Variants in FRK observed in about 807,000 individuals in gnomAD.
FRK encodes the protein tyrosine-protein kinase FRK.
Under a neutral mutation model 56.4 loss-of-function variants are expected in FRK, and 51 were observed. That is an observed-to-expected ratio of 0.90 (90% CI 0.72 to 1.14). FRK has a LOEUF of 1.14. Among genes scored for constraint, FRK ranks in the 50% most tolerant of loss-of-function variants. The probability of loss-of-function intolerance (pLI) is 0.00; values close to 1 mark genes in which losing one functional copy is unlikely to be tolerated. For missense variants in FRK, 570 were observed against 601.4 expected, an observed-to-expected ratio of 0.95 and a Z score of 0.55; for synonymous variants, 245 against 217.9, an observed-to-expected ratio of 1.12 and a Z score of -1.10.
intron 5 of FRK, among the ~76,000 whole-genome samples, chr6:115,952,229 T>C (rs1772790153): frequency 2.6e-5 from 4 of 152,200 alleles, no homozygotes; most frequent in Admixed American, 2.6e-4. Flanking sequence ...TGCCATTGCT[T>C]TTGGTGTTTT....
the FRK span, among the ~76,000 whole-genome samples, chr6:116,084,333 G>C: frequency 6.6e-6 from 1 of 152,176 alleles, no homozygotes; most frequent in East Asian, 1.9e-4. Context: ...TTACTCAGGA[G>C]TCTAAGGTCA....
At chr6:115,954,062 G>A (rs1271630255) in intron 5 of FRK, among the ~76,000 whole-genome samples, 3 of 152,186 alleles carry the variant, frequency 2.0e-5, no homozygotes, top group Non-Finnish European at 4.4e-5. Flanking sequence ...GGTGACCAGT[G>A]AAACACTCAC....
chr6:116,077,854 A>G, the FRK span, among the ~76,000 whole-genome samples: 1 of 152,354 alleles, frequency 6.6e-6, no homozygotes, highest in East Asian at 1.9e-4. Context: ...ATGTCTTACA[A>G]GACAGTCTAA....
intron 2 of FRK, among the ~76,000 whole-genome samples, chr6:115,999,860 A>C (rs1582697233): frequency 1.3e-5 from 2 of 151,976 alleles, no homozygotes; most frequent in Non-Finnish European, 2.9e-5. Context: ...AATAGGAAAA[A>C]TTTTCTTTCA....
chr6:116,088,261 C>T, the FRK span, among the ~76,000 whole-genome samples: 2 of 152,160 alleles, frequency 1.3e-5, no homozygotes, highest in Non-Finnish European at 2.9e-5. Context: ...TTTAGGGCAA[C>T]CCATCCATGA....
In FRK at chr6:115,967,687, A is replaced by G. The variant is rs374007391; in HGVS notation, c.663T>C (p.Tyr221=). ...IQVPAPFDLS[Y]KTVDQWEIDR... ...CTATCTCCCATTGGTCCACGGTTTT[A>G]TACGACAAATCAAATGGAGCTGGGA... The change falls in exon 4 of 8, where the codon TAT becomes TAC. Residue 221 remains tyrosine (Y), a synonymous_variant. Coordinates refer to ENST00000606080, the MANE Select transcript of FRK (RefSeq NM_002031.3). 107 of 1,612,108 alleles carry G rather than the reference A, an allele frequency of 6.6e-5. No individual in the cohort carries two copies. The highest frequency in any genetic ancestry group is 9.1e-5 in the Non-Finnish European group (107 of 1,178,802).
chr6:115,954,639 G>C (rs1429595272), intron 5 of FRK, among the ~76,000 whole-genome samples: 1 of 152,090 alleles, frequency 6.6e-6, no homozygotes, highest in African/African-American at 2.4e-5. Context: ...ATCAGTTTGG[G>C]GCATGTCATC....
chr6:115,962,345 A>G (rs1773408466), intron 4 of FRK, among the ~76,000 whole-genome samples: 1 of 151,598 alleles, frequency 6.6e-6, no homozygotes, highest in African/African-American at 2.4e-5. Context: ...AGAGAGGCTA[A>G]CTATCCTAAA....
intron 2 of FRK, among the ~76,000 whole-genome samples, chr6:115,971,007 C>G (rs867422820): frequency 2.6e-5 from 4 of 152,140 alleles, no homozygotes; most frequent in South Asian, 4.1e-4. Flanking sequence ...TATTCTGTTT[C>G]TTAACTTGGT....
intron 1 of FRK, among the ~76,000 whole-genome samples, chr6:116,033,296 T>C (rs1776361214): frequency 6.6e-6 from 1 of 152,174 alleles, no homozygotes; most frequent in Non-Finnish European, 1.5e-5. Flanking sequence ...TGTTTACCAA[T>C]ATCCTCAGGA....
intron 2 of FRK, among the ~76,000 whole-genome samples, chr6:115,985,278 G>A (rs1038737703): frequency 2.3e-4 from 35 of 152,012 alleles, no homozygotes; most frequent in African/African-American, 7.0e-4. Context: ...CACTAAGCCC[G>A]GCCCTTTCAT....
the FRK span, among the ~76,000 whole-genome samples, chr6:116,094,777 A>C: frequency 3.9e-5 from 6 of 152,290 alleles, no homozygotes; most frequent in South Asian, 6.2e-4. Flanking sequence ...GAAAGAGAAG[A>C]AGAGAGGGGA....
intron 2 of FRK, among the ~76,000 whole-genome samples, chr6:115,987,123 G>T (rs1774426547): frequency 6.6e-6 from 1 of 151,992 alleles, no homozygotes; most frequent in Admixed American, 6.6e-5. Flanking sequence ...TATTGCTCAG[G>T]CTTGAGTGCT....
At position 115,944,413 on chromosome 6, in the gene FRK, G is replaced by T. The variant is rs1224283568; in HGVS notation, c.971C>A (p.Ser324Ter). The change falls in exon 6 of 8, where the codon TCA becomes TAA. Residue 324 changes from serine to a stop codon, truncating the protein, a stop_gained. Coordinates refer to ENST00000606080, the MANE Select transcript of FRK (RefSeq NM_002031.3). LOFTEE classifies it high-confidence loss of function. ...TACCTGTTGAGTCAGATGGATTTTTGATCCAGTGTCATCTAAGTAATAAGA... is the reference window on the plus strand; with the variant it reads ...TACCTGTTGAGTCAGATGGATTTTTTATCCAGTGTCATCTAAGTAATAAGA... ...LQEYLQNDTG[S>*]KIHLTQQVDM... 3.7e-6 allele frequency: 6 copies of T among 1,606,300 alleles called. No homozygotes were observed. The highest frequency in any genetic ancestry group is 3.4e-5 in the Admixed American group (2 of 57,974).
chr6:116,051,340 C>T (rs966603079), intron 1 of FRK, among the ~76,000 whole-genome samples: 3 of 151,886 alleles, frequency 2.0e-5, no homozygotes, highest in South Asian at 2.1e-4. Flanking sequence ...ATTAAAAATA[C>T]GTTAATAAAA....
intron 5 of FRK, among the ~76,000 whole-genome samples, chr6:115,953,980 A>T (rs1022909420): frequency 2.0e-5 from 3 of 152,244 alleles, no homozygotes; most frequent in African/African-American, 7.2e-5. Flanking sequence ...AGCCAAGAAG[A>T]TAAAATAAAA....
At chr6:116,038,285 T>G (rs1776563598) in intron 1 of FRK, among the ~76,000 whole-genome samples, 1 of 152,112 alleles carries the variant, frequency 6.6e-6, no homozygotes, top group African/African-American at 2.4e-5. Context: ...TATAAAAAAT[T>G]TTTTCTTTAT....
intron 4 of FRK, among the ~76,000 whole-genome samples, chr6:115,960,284 G>T (rs201185121): frequency 2.7e-5 from 4 of 150,840 alleles, no homozygotes; most frequent in African/African-American, 9.8e-5. Flanking sequence ...AAGGGGTGAC[G>T]GACGCACCTG....
chr6:116,003,326 A>C (rs374961645), intron 2 of FRK, among the ~76,000 whole-genome samples: 29 of 152,328 alleles, frequency 1.9e-4, no homozygotes, highest in African/African-American at 6.7e-4. Context: ...GGTACCTGTA[A>C]CTACTGAGTA....
Sources: allele counts gnomAD v4.1 joint callset (sites outside exome capture counted in the v4.1 genomes callset), GRCh38; gene constraint gnomAD v4.1.1; transcripts MANE v1.5; gene names NCBI Gene and HGNC (gene_info 2026-07-23, HGNC 2026-07-21).